The following IRAK3 variants were observed in gnomAD, a reference collection of about 807,000 sequenced individuals.
IRAK3 encodes the protein interleukin-1 receptor-associated kinase 3.
Under a neutral mutation model 56.6 loss-of-function variants are expected in IRAK3, and 57 were observed. That is an observed-to-expected ratio of 1.01 (90% CI 0.81 to 1.26). IRAK3 has a LOEUF of 1.26. IRAK3 is among the 50% of genes most tolerant of loss of function. The probability of loss-of-function intolerance (pLI) is 0.00; values close to 1 mark genes in which losing one functional copy is unlikely to be tolerated. For missense variants in IRAK3, 703 were observed against 719.0 expected, an observed-to-expected ratio of 0.98 and a Z score of 0.25; for synonymous variants, 258 against 255.7, an observed-to-expected ratio of 1.01 and a Z score of -0.09.
chr12:66,241,876 T>C (rs1275922944), intron 8 of IRAK3, among the ~76,000 whole-genome samples: 1 of 152,216 alleles, frequency 6.6e-6, no homozygotes, highest in East Asian at 1.9e-4. Context: ...CACCATTTGC[T>C]GAAAGCATCC....
intron 11 of IRAK3, among the ~76,000 whole-genome samples, chr12:66,246,201 A>G (rs921146731): frequency 6.6e-6 from 1 of 152,168 alleles, no homozygotes; most frequent in African/African-American, 2.4e-5. Context: ...GGTTGGATTT[A>G]GGCAGCAGTA....
intron 8 of IRAK3, among the ~76,000 whole-genome samples, chr12:66,229,459 A>G (rs1241927611): frequency 6.6e-6 from 1 of 152,196 alleles, no homozygotes; most frequent in Non-Finnish European, 1.5e-5. Flanking sequence ...TCTTGAAAAA[A>G]ACTTGTAGTA....
chr12:66,240,468 C>T (rs144914915), intron 8 of IRAK3, among the ~76,000 whole-genome samples: 3 of 152,306 alleles, frequency 2.0e-5, no homozygotes, highest in Admixed American at 2.0e-4. Context: ...AGATTTGTAG[C>T]ATTCCAGGCA....
chr12:66,203,987 A>AATGTCT, intron 2 of IRAK3, 94 bp downstream of exon 2: 1 of 1,118,364 alleles, frequency 8.9e-7, no homozygotes, highest in Non-Finnish European at 1.4e-6. Flanking sequence ...ACATTGACTC[A>AATGTCT]TGCTCTGTGT....
chr12:66,209,339 A>G (rs1189819339), intron 2 of IRAK3, 117 bp from the exon 3 acceptor site: 2 of 702,708 alleles, frequency 2.8e-6, no homozygotes, highest in African/African-American at 1.8e-5. Flanking sequence ...TTGCATGGGA[A>G]TGAAACTTTA....
At chr12:66,227,422 C>T (rs1391413381) in intron 7 of IRAK3, among the ~76,000 whole-genome samples, 1 of 152,062 alleles carries the variant, frequency 6.6e-6, no homozygotes, top group Non-Finnish European at 1.5e-5. Flanking sequence ...GAAACCCCGT[C>T]TCTACTAAAA....
At chr12:66,194,113 G>A (rs1240648065) in intron 1 of IRAK3, among the ~76,000 whole-genome samples, 2 of 152,062 alleles carry the variant, frequency 1.3e-5, no homozygotes, top group African/African-American at 4.8e-5. Context: ...TATGGATGGG[G>A]CCAGGCTGGT....
intron 8 of IRAK3, among the ~76,000 whole-genome samples, chr12:66,229,628 G>C (rs942121155): frequency 6.6e-6 from 1 of 152,198 alleles, no homozygotes; most frequent in Admixed American, 6.5e-5. Context: ...TCCAGCAACT[G>C]CTAATGGCTT....
chr12:66,233,362 C>T (rs1441488709), intron 8 of IRAK3, among the ~76,000 whole-genome samples: 1 of 152,124 alleles, frequency 6.6e-6, no homozygotes, highest in African/African-American at 2.4e-5. Flanking sequence ...ACTAAAAATA[C>T]AAGAAATTAG....
chr12:66,206,224 GTTAT>G (rs908864037), intron 2 of IRAK3, among the ~76,000 whole-genome samples: 79 of 152,064 alleles, frequency 5.2e-4, no homozygotes, highest in African/African-American at 1.8e-3. Context: ...CAGTATGTTT[GTTAT>G]TTTTTCTTCT....
In IRAK3 at chr12:66,244,620, T is replaced by C; in HGVS notation, c.1022T>C (p.Met341Thr). 1.2e-6 allele frequency: 2 copies of C among 1,614,042 alleles called. No individual in the cohort carries two copies. Among genetic ancestry groups the C allele is most frequent in the Non-Finnish European group, 1.7e-6 (2 of 1,179,970 alleles). ...TSSSSKHLWY[M>T]PEEYIRQGKL... is the part of the protein sequence containing the mutation. ...AGCAGCAGTAAACATCTGTGGTACATGCCAGAAGAGTACATCAGACAGGGG... is the reference window on the plus strand; with the variant it reads ...AGCAGCAGTAAACATCTGTGGTACACGCCAGAAGAGTACATCAGACAGGGG... Residue 341 changes from methionine to threonine, a missense_variant, in exon 9 of 12, where the codon ATG becomes ACG. Transcript: ENST00000261233.
At position 66,197,435 on chromosome 12, in the gene IRAK3, A is replaced by G. The variant is rs984879500; in HGVS notation, c.134-6276A>G. ...TTGTATCAGATTGGAGCTATTTTATAGAATTGGATCTAAATGAAGTATACA... is the reference window on the plus strand; with the variant it reads ...TTGTATCAGATTGGAGCTATTTTATGGAATTGGATCTAAATGAAGTATACA... On this transcript the variant is annotated intron_variant, in intron 1 of 11. Transcript: ENST00000261233. 5.1e-6 allele frequency: 5 copies of G among 984,788 alleles called. No homozygotes were observed. In the African/African-American group the frequency reaches 8.7e-5, roughly 17 times the overall value. The allele number at this position is 984,788 out of a possible 1,614,324, so 61.0% of individuals were successfully genotyped here.
At chr12:66,232,286 C>T (rs575267543) in intron 8 of IRAK3, among the ~76,000 whole-genome samples, 4 of 152,192 alleles carry the variant, frequency 2.6e-5, no homozygotes, top group Non-Finnish European at 5.9e-5. Flanking sequence ...TATGGAGATC[C>T]ATGGCTGTGG....
chr12:66,231,539 A>G (rs1029573042), intron 8 of IRAK3, among the ~76,000 whole-genome samples: 1 of 152,216 alleles, frequency 6.6e-6, no homozygotes, highest in African/African-American at 2.4e-5. Flanking sequence ...CAAAATGTGT[A>G]GTGCAATGGT....
intron 6 of IRAK3, among the ~76,000 whole-genome samples, chr12:66,226,362 TC>T (rs2052786090): frequency 6.6e-6 from 1 of 152,074 alleles, no homozygotes; most frequent in Admixed American, 6.6e-5. Context: ...TGCCTCAGCC[TC>T]CCGAGTAGCT....
intron 8 of IRAK3, among the ~76,000 whole-genome samples, chr12:66,243,348 T>A (rs2052991904): frequency 2.0e-5 from 3 of 152,218 alleles, no homozygotes; most frequent in Admixed American, 2.0e-4. Flanking sequence ...ATTAAGAACT[T>A]CTTGATATCC....
rs146812064 is a variant in IRAK3 at position 66,211,688 on chromosome 12, G to A, written c.588+91G>A. On this transcript the variant is annotated intron_variant, in intron 5 of 11. Transcript: ENST00000261233. ...ATGTCATTTTTCATCAACATTGAAA[G>A]GGGTATTTGAAAATAAAATTTTATA... 85 of 1,120,960 alleles carry A rather than the reference G, an allele frequency of 7.6e-5. No individual in the cohort carries two copies. The African/African-American group carries it at 1.2e-3, about 16-fold the overall frequency. The allele number at this position is 1,120,960 out of a possible 1,614,324, so 69.4% of individuals were successfully genotyped here.
chr12:66,234,294 C>T (rs892010888), intron 8 of IRAK3: 15 of 1,612,680 alleles, frequency 9.3e-6, no homozygotes, highest in Middle Eastern at 2.0e-4. Context: ...ATCATTGATG[C>T]GGGCTGTAGT....
At chr12:66,230,345 G>A (rs1362127021) in intron 8 of IRAK3, among the ~76,000 whole-genome samples, 4 of 152,274 alleles carry the variant, frequency 2.6e-5, no homozygotes, top group Non-Finnish European at 2.9e-5. Context: ...CAAATGAAGC[G>A]AGGAAAGGAA....
Sources: allele counts gnomAD v4.1 joint callset (sites outside exome capture counted in the v4.1 genomes callset), GRCh38; gene constraint gnomAD v4.1.1; transcripts MANE v1.5; gene names NCBI Gene and HGNC (gene_info 2026-07-23, HGNC 2026-07-21).